CCDC200: variants seen among roughly 807,000 people sequenced by gnomAD.
CCDC200 encodes coiled-coil domain-containing protein 200.
At chr17:43,222,552 G>T (rs1469341407) in intron 3 of CCDC200, among the ~76,000 whole-genome samples, 1 of 151,088 alleles carries the variant, frequency 6.6e-6, no homozygotes, top group Non-Finnish European at 1.5e-5. Context: ...TATGGATAGC[G>T]CTGAGCAATA....
chr17:43,226,343 AAAAAG>A (rs1312349240), intron 1 of CCDC200: 2 of 135,020 alleles, frequency 1.5e-5, no homozygotes, highest in East Asian at 4.6e-4. Context: ...CTTGTCTCAA[AAAAAG>A]AAGAAGAAGA....
rs576973577 is a variant in CCDC200 at position 43,224,489 on chromosome 17, T to C, written c.166A>G (p.Lys56Glu). ...ACTGGTGGTTGCGGCACATTTAACT[T>C]CTTATGTGGCTGGAGTTTTTCCTCC... Reference protein sequence around the residue: ...QSEEKLQPHKKLNVPQPPVAK... With the variant: ...QSEEKLQPHKELNVPQPPVAK... The change falls in exon 2 of 4, where the codon AAG becomes GAG. Residue 56 changes from lysine to glutamate, a missense_variant. By Grantham distance (56) the Lys-to-Glu change is moderately conservative. Transcript: ENST00000636331. 3 of 154,154 alleles carry C rather than the reference T, an allele frequency of 1.9e-5. No individual in the cohort carries two copies. In the East Asian group the frequency reaches 5.8e-4, roughly 30 times the overall value. 9.5% of individuals were successfully genotyped at this position (154,154 alleles called of 1,614,324 possible).
chr17:43,221,987 C>T (rs895029349), intron 3 of CCDC200, among the ~76,000 whole-genome samples: 3 of 151,704 alleles, frequency 2.0e-5, no homozygotes, highest in Non-Finnish European at 2.9e-5. Flanking sequence ...CCCAGCTACT[C>T]GGGAGGCTGA....
chr17:43,230,760 C>G (rs2057593270), upstream of CCDC200, among the ~76,000 whole-genome samples: 2 of 73,458 alleles, frequency 2.7e-5, 1 homozygote, highest in African/African-American at 6.9e-5. Context: ...GCGGGCAGAT[C>G]ATGAGGTCAG....
intron 1 of CCDC200, among the ~76,000 whole-genome samples, chr17:43,226,813 C>T (rs935908489): frequency 3.9e-5 from 6 of 152,178 alleles, no homozygotes; most frequent in Admixed American, 2.6e-4. Flanking sequence ...TTTGAAACAA[C>T]AGCACATCTT....
intron 3 of CCDC200, among the ~76,000 whole-genome samples, chr17:43,222,931 G>A (rs889116539): frequency 6.6e-6 from 1 of 151,856 alleles, no homozygotes; most frequent in East Asian, 1.9e-4. Context: ...CACCCACCCA[G>A]CTAATTTTTG....
At chr17:43,227,104 G>A (rs777337194) in intron 1 of CCDC200, among the ~76,000 whole-genome samples, 1 of 151,532 alleles carries the variant, frequency 6.6e-6, no homozygotes, top group Non-Finnish European at 1.5e-5. Flanking sequence ...TCAGCCTCCC[G>A]AGTAGCTGGG....
chr17:43,230,866 C>T (rs1555617194), upstream of CCDC200, among the ~76,000 whole-genome samples: 377 of 90,080 alleles, frequency 4.2e-3, 49 homozygotes, highest in African/African-American at 0.01. Flanking sequence ...CTGTCGTCCC[C>T]GCTACTTGGG....
At chr17:43,228,107 T>TAAA (rs1598041691) in intron 1 of CCDC200, among the ~76,000 whole-genome samples, 29 of 4,278 alleles carry the variant, frequency 6.8e-3, no homozygotes, top group South Asian at 0.023. Context: ...AAACTCCATC[T>TAAA]CAAAAAAAAA....
intron 3 of CCDC200, among the ~76,000 whole-genome samples, chr17:43,222,833 G>A (rs1598038374): frequency 6.8e-6 from 1 of 146,654 alleles, no homozygotes; most frequent in African/African-American, 2.5e-5. Context: ...GAAGTGGCAC[G>A]ATCTTGGCTC....
Position 43,225,680 on chromosome 17 carries a change from G to GTATATATATATATATATATATATA in CCDC200, c.106-1132_106-1131insTATATATATATATATATATATATA, listed in dbSNP as rs1176223204. The stretch of plus-strand genomic sequence containing the variant: ...TCCGTCTAAAAAAAAAAAAAAAAAA[G>GTATATATATATATATATATATATA]TATATATATATATTGCATGCTACAT... On this transcript the variant is annotated intron_variant, in intron 1 of 3. Transcript: ENST00000636331. Among the ~76,000 whole-genome samples, 64 of 16,650 alleles carry GTATATATATATATATATATATATA rather than the reference G, an allele frequency of 3.8e-3. 18 individuals carry two copies. In the East Asian group the frequency reaches 0.43, roughly 111 times the overall value. 10.9% of individuals were successfully genotyped at this position (16,650 alleles called of 152,430 possible).
chr17:43,223,246 A>ATTTTTTTTTTTTTTTTT (rs1382906549), intron 3 of CCDC200, among the ~76,000 whole-genome samples: 1 of 84,830 alleles, frequency 1.2e-5, no homozygotes, highest in African/African-American at 4.0e-5. Flanking sequence ...ATTTTTTTCA[A>ATTTTTTTTTTTTTTTTT]TTTTTTTTTT....
At chr17:43,227,520 T>C (rs1189267274) in intron 1 of CCDC200, among the ~76,000 whole-genome samples, 3 of 151,972 alleles carry the variant, frequency 2.0e-5, no homozygotes, top group African/African-American at 7.2e-5. Flanking sequence ...AGTCTCACTC[T>C]GTCACTCAGG....
At chr17:43,227,196 C>G (rs2057575319) in intron 1 of CCDC200, among the ~76,000 whole-genome samples, 2 of 151,862 alleles carry the variant, frequency 1.3e-5, no homozygotes, top group South Asian at 4.2e-4. Context: ...TCAGGCTGGT[C>G]TCGAACTCCT....
intron 1 of CCDC200, among the ~76,000 whole-genome samples, chr17:43,227,248 G>A (rs1277871298): frequency 6.6e-6 from 1 of 151,468 alleles, no homozygotes; most frequent in Non-Finnish European, 1.5e-5. Context: ...CAAAGTGCTG[G>A]GATTACAGGT....
At chr17:43,225,895 A>G (rs1395095215) in intron 1 of CCDC200, among the ~76,000 whole-genome samples, 1 of 148,858 alleles carries the variant, frequency 6.7e-6, no homozygotes. Flanking sequence ...CACCACGCCA[A>G]GCTAATTTTT....
chr17:43,225,257 C>T (rs982030368), intron 1 of CCDC200, among the ~76,000 whole-genome samples: 2 of 152,110 alleles, frequency 1.3e-5, no homozygotes, highest in African/African-American at 2.4e-5. Context: ...TGGTTTGGAA[C>T]TCCTAGCCTC....
intron 1 of CCDC200, chr17:43,226,490 G>A (rs1167544716): frequency 2.0e-5 from 3 of 152,162 alleles, no homozygotes; most frequent in Non-Finnish European, 2.9e-5. Flanking sequence ...TGACCTCCCA[G>A]GCTCAAGTGA....
At chr17:43,225,680 G>GTATATA (rs1176223204) in intron 1 of CCDC200, among the ~76,000 whole-genome samples, 189 of 16,664 alleles carry the variant, frequency 0.011, 79 homozygotes, top group Non-Finnish European at 0.093. Context: ...AAAAAAAAAA[G>GTATATA]TATATATATA....
Sources: gnomAD v4.1 joint callset for allele counts (sites outside exome capture counted in the v4.1 genomes callset) on GRCh38, gnomAD v4.1.1 for gene constraint, MANE v1.5 for transcripts, NCBI Gene and HGNC (gene_info 2026-07-23, HGNC 2026-07-21) for gene names.